Variants in XRN1 observed in about 807,000 individuals in gnomAD.
XRN1 encodes 5'-3' exoribonuclease 1.
Under a neutral mutation model 222.3 loss-of-function variants are expected in XRN1, and 67 were observed. The observed-to-expected ratio is 0.30, with a 90% confidence interval of 0.25 to 0.37. The LOEUF is 0.37. Among genes scored for constraint, XRN1 ranks in the 10% least tolerant of loss-of-function variants. The probability of loss-of-function intolerance (pLI) is 1.00; values close to 1 mark genes in which losing one functional copy is unlikely to be tolerated. For missense variants in XRN1, 1,707 were observed against 2,000.2 expected, an observed-to-expected ratio of 0.85 and a Z score of 2.80; for synonymous variants, 643 against 652.4, an observed-to-expected ratio of 0.99 and a Z score of 0.22.
At chr3:142,314,679 C>T (rs980406708) in intron 39 of XRN1, among the ~76,000 whole-genome samples, 26 of 151,570 alleles carry the variant, frequency 1.7e-4, no homozygotes, top group African/African-American at 5.6e-4. Flanking sequence ...CCGAGGCTGG[C>T]GGATCCCTTG....
chr3:142,330,829 A>C (rs1167010642), intron 36 of XRN1, among the ~76,000 whole-genome samples: 1 of 152,112 alleles, frequency 6.6e-6, no homozygotes, highest in Non-Finnish European at 1.5e-5. Flanking sequence ...TTGTTTTGAC[A>C]GAGTTTCGCT....
chr3:142,334,275 T>C (rs1332725869), intron 34 of XRN1, among the ~76,000 whole-genome samples: 1 of 152,152 alleles, frequency 6.6e-6, no homozygotes, highest in Admixed American at 6.5e-5. Flanking sequence ...TTAAACCGTT[T>C]ACTGGTATCT....
In XRN1 at chr3:142,318,789, C is replaced by T; in HGVS notation, c.4518+1G>A. On this transcript the variant is annotated splice_donor_variant, in intron 38 of 40. Transcript: ENST00000392981. LOFTEE classifies it high-confidence loss of function. Reference sequence around the variant, plus strand: ...ATAGAGAAGTCATGGACAGTTCTTACCAACTGTTGTAAAGCAAAAAGTGCA... The same window carrying T: ...ATAGAGAAGTCATGGACAGTTCTTATCAACTGTTGTAAAGCAAAAAGTGCA... 1 of 1,613,372 alleles carries T rather than the reference C, an allele frequency of 6.2e-7. No individual in the cohort carries two copies. The highest frequency in any genetic ancestry group is 8.5e-7 in the Non-Finnish European group (1 of 1,179,474).
intron 39 of XRN1, among the ~76,000 whole-genome samples, chr3:142,316,992 A>C (rs1313807954): frequency 6.6e-6 from 1 of 152,230 alleles, no homozygotes; most frequent in Non-Finnish European, 1.5e-5. Context: ...TTGGCTATAC[A>C]GAGAAATTAG....
At chr3:142,371,555 TA>T (rs2066992443) in intron 25 of XRN1, among the ~76,000 whole-genome samples, 1 of 152,152 alleles carries the variant, frequency 6.6e-6, no homozygotes, top group Non-Finnish European at 1.5e-5. Context: ...GTCATAAACT[TA>T]TAATAAACTT....
At chr3:142,320,229 A>G (rs2065316939) in intron 37 of XRN1, among the ~76,000 whole-genome samples, 1 of 152,190 alleles carries the variant, frequency 6.6e-6, no homozygotes, top group Admixed American at 6.5e-5. Context: ...CATCCTTGCC[A>G]AAATCTGTTT....
At chr3:142,360,885 A>AC (rs2066607238) in intron 29 of XRN1, among the ~76,000 whole-genome samples, 1 of 151,310 alleles carries the variant, frequency 6.6e-6, no homozygotes, top group East Asian at 1.9e-4. Flanking sequence ...AAAAAAAAAA[A>AC]AAAAACCAAA....
intron 29 of XRN1, among the ~76,000 whole-genome samples, chr3:142,364,277 A>C (rs1435576926): frequency 6.6e-6 from 1 of 152,188 alleles, no homozygotes; most frequent in Admixed American, 6.5e-5. Context: ...GGATATATAT[A>C]GAGGAATGGT....
intron 37 of XRN1, among the ~76,000 whole-genome samples, chr3:142,328,702 ATTATATATATATATATATATATATATAT>A (rs1459244390): frequency 1.2e-5 from 1 of 81,172 alleles, no homozygotes; most frequent in Non-Finnish European, 2.3e-5. Flanking sequence ...TACTTGTAAT[ATTATATATATATATATATATATATATAT>A]ATATATATAT....
At chr3:142,379,988 T>C (rs2067254177) in intron 23 of XRN1, 94 bp downstream of exon 23, 2 of 893,418 alleles carry the variant, frequency 2.2e-6, no homozygotes, top group Admixed American at 2.8e-5. Context: ...TTAAATAAAA[T>C]ATCTGAAATA....
chr3:142,368,642 A>T (rs2066893014), intron 27 of XRN1, among the ~76,000 whole-genome samples: 1 of 152,216 alleles, frequency 6.6e-6, no homozygotes, highest in South Asian at 2.1e-4. Flanking sequence ...AATGATGCTG[A>T]ACAAACTGAT....
intron 18 of XRN1, among the ~76,000 whole-genome samples, chr3:142,402,620 A>G (rs1335283650): frequency 2.6e-5 from 4 of 152,228 alleles, no homozygotes; most frequent in South Asian, 2.1e-4. Flanking sequence ...ATTGCTTACA[A>G]TGAATGACTT....
intron 21 of XRN1, among the ~76,000 whole-genome samples, chr3:142,384,225 T>A (rs1364328374): frequency 7.0e-6 from 1 of 142,454 alleles, no homozygotes; most frequent in Admixed American, 7.4e-5. Context: ...TGAGCCGAGA[T>A]GGCGCCACTG....
At chr3:142,421,304 A>C in intron 9 of XRN1, 151 bp from the exon 10 acceptor site, 1 of 991,154 alleles carries the variant, frequency 1.0e-6, no homozygotes, top group South Asian at 2.2e-5. Context: ...TGTTACTCTA[A>C]AAATACAAAT....
chr3:142,323,495 T>C (rs1237223663), intron 37 of XRN1, among the ~76,000 whole-genome samples: 1 of 152,192 alleles, frequency 6.6e-6, no homozygotes, highest in Non-Finnish European at 1.5e-5. Context: ...TTTTAAGTTT[T>C]AATGTAATAT....
chr3:142,417,054 TA>T, intron 13 of XRN1, 85 bp downstream of exon 13: 2 of 744,132 alleles, frequency 2.7e-6, no homozygotes, highest in Non-Finnish European at 3.9e-6. Context: ...TAAGTAGAAA[TA>T]AAAGGAAGTG....
intron 25 of XRN1, among the ~76,000 whole-genome samples, chr3:142,372,003 G>A (rs1223286756): frequency 6.6e-6 from 1 of 152,160 alleles, no homozygotes; most frequent in Non-Finnish European, 1.5e-5. Context: ...TAAGAAGCAA[G>A]TTGATTTAAA....
intron 1 of XRN1, among the ~76,000 whole-genome samples, chr3:142,440,944 G>A (rs1023706442): frequency 9.2e-5 from 14 of 152,150 alleles, no homozygotes; most frequent in African/African-American, 3.4e-4. Flanking sequence ...CCCAAGACTT[G>A]AGCCAATTTT....
At chr3:142,349,622 T>C (rs1309341665) in intron 32 of XRN1, among the ~76,000 whole-genome samples, 4 of 152,144 alleles carry the variant, frequency 2.6e-5, no homozygotes, top group Admixed American at 1.3e-4. Context: ...TATTTGGGTA[T>C]AGTTCTTTAG....
Sources: allele counts gnomAD v4.1 joint callset (sites outside exome capture counted in the v4.1 genomes callset), GRCh38; gene constraint gnomAD v4.1.1; transcripts MANE v1.5; gene names NCBI Gene and HGNC (gene_info 2026-07-23, HGNC 2026-07-21).